Variants in LOXHD1 observed in about 807,000 individuals in gnomAD.
The protein encoded by LOXHD1 is lipoxygenase homology PLAT domains 1, also known as lipoxygenase homology domain-containing protein 1.
In LOXHD1, 205 loss-of-function variants were observed where a neutral mutation model predicts 248.2. The observed-to-expected ratio is 0.83, with a 90% CI of 0.74 to 0.93. LOXHD1 has a LOEUF of 0.93. Ranked by LOEUF, LOXHD1 falls within the 40% of genes least tolerant of loss-of-function variation. The pLI is 0.00. For missense variants in LOXHD1, 2,930 were observed against 2,971.6 expected (o/e 0.99, Z 0.33); for synonymous variants, 1,113 against 1,162.8 (o/e 0.96, Z 0.87).
Position 46,577,751 on chromosome 18 carries a change from CTCTCTCACCAGCACTCTG to C in LOXHD1, c.1908_1925del (p.Asp636_Arg641del). ...CGTTGTCGCTCTCAGGCTGCCCCTCCTCTCTCACCAGCACTCTGTCCAGGTACCAGCCGCTGCCGGAGC... is the reference window on the plus strand; with the variant it reads ...CGTTGTCGCTCTCAGGCTGCCCCTCCTCCAGGTACCAGCCGCTGCCGGAGC... On this transcript the variant is annotated inframe_deletion, in exon 14 of 41. Transcript: ENST00000642948. 1.3e-6 allele frequency: 2 copies of C among 1,551,668 alleles called. No homozygotes were observed. The highest frequency in any genetic ancestry group is 1.7e-6 in the Non-Finnish European group (2 of 1,146,966).
chr18:46,594,250 G>A (rs2038222691), intron 9 of LOXHD1, 81 bp downstream of exon 9: 3 of 1,524,642 alleles, frequency 2.0e-6, no homozygotes, highest in East Asian at 4.9e-5. Flanking sequence ...TGCCCTCATA[G>A]CTTTTGCCTA....
chr18:46,477,264 A>G (rs1449210960), downstream of LOXHD1: 1 of 780,318 alleles, frequency 1.3e-6, no homozygotes, highest in Non-Finnish European at 2.3e-6. Context: ...ATTTTTGGGC[A>G]GCCACAGATT....
chr18:46,493,454 T>C (rs1303476382), intron 37 of LOXHD1, among the ~76,000 whole-genome samples: 3 of 152,256 alleles, frequency 2.0e-5, no homozygotes, highest in African/African-American at 7.2e-5. Flanking sequence ...AGGAGCCTTT[T>C]GTAACCTATC....
chr18:46,560,051 C>CGGGGG, intron 19 of LOXHD1, 32 bp downstream of exon 19: 1 of 1,310,694 alleles, frequency 7.6e-7, no homozygotes, highest in Non-Finnish European at 1.1e-6. Context: ...TGGCCACTCC[C>CGGGGG]TCCCCACCCC....
intron 21 of LOXHD1, among the ~76,000 whole-genome samples, chr18:46,549,028 G>A (rs1052018899): frequency 2.0e-5 from 3 of 152,176 alleles, no homozygotes; most frequent in Non-Finnish European, 4.4e-5. Context: ...TGGGCGTTCA[G>A]CTTCTATCCC....
intron 27 of LOXHD1, 60 bp downstream of exon 27, chr18:46,534,275 C>T (rs2036207666): frequency 1.5e-6 from 2 of 1,299,918 alleles, no homozygotes; most frequent in African/African-American, 1.5e-5. Context: ...GGGAATTTGC[C>T]TTGAACCTGC....
chr18:46,487,715 C>T (rs74418532), intron 38 of LOXHD1, among the ~76,000 whole-genome samples: 1 of 152,080 alleles, frequency 6.6e-6, no homozygotes, highest in African/African-American at 2.4e-5. Flanking sequence ...CGAGCAGCCA[C>T]CTTCCACAAT....
intron 23 of LOXHD1, among the ~76,000 whole-genome samples, chr18:46,544,330 A>C (rs560337339): frequency 6.6e-6 from 1 of 152,346 alleles, no homozygotes; most frequent in East Asian, 1.9e-4. Flanking sequence ...TGAGGACTTA[A>C]TGAGTTGATG....
At position 46,593,735 on chromosome 18, in the gene LOXHD1, C is replaced by A; in HGVS notation, c.1296G>T (p.Trp432Cys). The stretch of plus-strand genomic sequence containing the variant: ...TACCAGCTTTCTTTAGGTCGGTTGT[C>A]CAGACCCACAGGGACCAAGGGAATT... ...LKKFPWSLWVWTTDLKKAGTN... is the reference protein window; with the variant it reads ...LKKFPWSLWVCTTDLKKAGTN... Residue 432 changes from tryptophan (W) to cysteine (C), a missense_variant, in exon 10 of 41, where the codon TGG becomes TGT. Physicochemically the swap from Trp to Cys is radical, Grantham distance 215. Coordinates refer to ENST00000642948, the MANE Select transcript of LOXHD1 (RefSeq NM_001384474.1). 6.4e-7 allele frequency: 1 copy of A among 1,551,990 alleles called. No individual in the cohort carries two copies. Among genetic ancestry groups the A allele is most frequent in the Middle Eastern group, 1.7e-4 (1 of 5,996 alleles).
intron 11 of LOXHD1, 76 bp from the exon 12 acceptor site, chr18:46,592,144 A>G (rs576082860): frequency 1.9e-4 from 284 of 1,524,084 alleles, no homozygotes; most frequent in Non-Finnish European, 1.5e-4. Flanking sequence ...CCATTCTGCT[A>G]TCTCATTGCA....
intron 35 of LOXHD1, 192 bp downstream of exon 35, chr18:46,509,506 G>A (rs1195161732): frequency 3.1e-6 from 2 of 644,828 alleles, no homozygotes; most frequent in Non-Finnish European, 5.8e-6. Context: ...GTTCTCACTG[G>A]ACACAAATAA....
chr18:46,644,572 G>T (rs1220431858), intron 2 of LOXHD1, among the ~76,000 whole-genome samples: 1 of 152,094 alleles, frequency 6.6e-6, no homozygotes, highest in East Asian at 1.9e-4. Flanking sequence ...TTAAAAATTG[G>T]CTGGGCCTGG....
At chr18:46,490,770 C>T (rs940026287) in intron 37 of LOXHD1, among the ~76,000 whole-genome samples, 3 of 152,212 alleles carry the variant, frequency 2.0e-5, no homozygotes, top group Non-Finnish European at 2.9e-5. Flanking sequence ...CCACCTCGCC[C>T]GGCGGTAAGT....
At chr18:46,604,042 C>G in intron 7 of LOXHD1, 64 bp downstream of exon 7, 2 of 1,543,664 alleles carry the variant, frequency 1.3e-6, no homozygotes, top group East Asian at 2.5e-5. Context: ...CCCACAGATG[C>G]CAACAGCGAC....
At position 46,656,922 on chromosome 18, in the gene LOXHD1, C is replaced by G. The variant is rs752194068; in HGVS notation, c.112G>C (p.Glu38Gln). ...SEDDEGELEH[E>Q]YYKARVYEVV... Reference sequence around the variant, plus strand: ...CCCGCACCTCTGGCCTTGTAGTACTCGTGTTCCAGCTCCCCCTCGTCGTCC... The same window carrying G: ...CCCGCACCTCTGGCCTTGTAGTACTGGTGTTCCAGCTCCCCCTCGTCGTCC... Residue 38 changes from glutamate to glutamine, a missense_variant, in exon 1 of 41, where the codon GAG becomes CAG. By Grantham distance (29) the Glu-to-Gln change is conservative (BLOSUM62 2). Transcript: ENST00000642948. 3 of 1,551,584 alleles carry G rather than the reference C, an allele frequency of 1.9e-6. No individual in the cohort carries two copies. The South Asian group carries it at 3.6e-5, about 18-fold the overall frequency.
rs546893082 is a variant in LOXHD1, at chr18:46,577,833, C to T, written c.1844G>A (p.Arg615Gln). Reference protein sequence around the residue: ...DEFTIESVTMRNVRRVRIRHD... With the variant: ...DEFTIESVTMQNVRRVRIRHD... ...TCTGATCCTCACCCGCCTCACATTC[C>T]GCATGGTGACAGACTCGATAGTGAA... The change falls in exon 14 of 41, where the codon CGG becomes CAG. Residue 615 changes from arginine (R) to glutamine (Q), a missense_variant. By Grantham distance (43) the Arg-to-Gln change is conservative. Transcript: ENST00000642948. The T allele has an allele frequency of 4.6e-5, 71 of 1,551,660 alleles. No individual in the cohort carries two copies. In the East Asian group the frequency reaches 5.6e-4, roughly 12 times the overall value.
In LOXHD1 at chr18:46,477,715, T is replaced by A; in HGVS notation, c.6579A>T (p.Lys2193Asn). The change falls in exon 41 of 41, where the codon AAA becomes AAT. Residue 2193 changes from lysine to asparagine, a missense_variant. Coordinates refer to ENST00000642948, the MANE Select transcript of LOXHD1 (RefSeq NM_001384474.1). ...GDTGKRELKQKMRNLFERGST... is the reference protein window; with the variant it reads ...GDTGKRELKQNMRNLFERGST... ...TGCCCCGCTCGAAGAGGTTGCGCATTTTCTGCTTCAGCTCCCGCTTGCCTG... is the reference window on the plus strand; with the variant it reads ...TGCCCCGCTCGAAGAGGTTGCGCATATTCTGCTTCAGCTCCCGCTTGCCTG... The A allele has an allele frequency of 6.4e-7, 1 of 1,551,950 alleles. No homozygotes were observed. The highest frequency in any genetic ancestry group is 8.7e-7 in the Non-Finnish European group (1 of 1,147,054).
At chr18:46,523,936 A>T (rs1171076671) in intron 31 of LOXHD1, among the ~76,000 whole-genome samples, 9 of 152,212 alleles carry the variant, frequency 5.9e-5, no homozygotes, top group Admixed American at 5.9e-4. Context: ...AAAGTAGTGC[A>T]TTCAAATGTT....
At chr18:46,547,459 G>C (rs866513272) in intron 21 of LOXHD1, among the ~76,000 whole-genome samples, 6 of 152,212 alleles carry the variant, frequency 3.9e-5, no homozygotes, top group African/African-American at 1.4e-4. Flanking sequence ...CAATACATAA[G>C]TGTTGAACTA....
Sources: gnomAD v4.1 joint callset for allele counts (sites outside exome capture counted in the v4.1 genomes callset) on GRCh38, gnomAD v4.1.1 for gene constraint, MANE v1.5 for transcripts, NCBI Gene and HGNC (gene_info 2026-07-23, HGNC 2026-07-21) for gene names.